Variants in RAB7B observed in about 807,000 individuals in gnomAD.
The protein encoded by RAB7B is RAB7B, member RAS oncogene family.
At chr1:205,993,790 G>T (rs1660765173) in intron 2 of RAB7B, among the ~76,000 whole-genome samples, 1 of 152,188 alleles carries the variant, frequency 6.6e-6, no homozygotes, top group South Asian at 2.1e-4. Flanking sequence ...TCTCACAGTG[G>T]TGGTCAGGTT....
chr1:205,977,569 G>T lies in RAB7B; in HGVS notation c.*1282C>A, dbSNP rs1220827755. On this transcript the variant is annotated 3_prime_UTR_variant, in exon 6 of 6. Transcript: ENST00000617070. ...CTCAGCCTGGAAGAGAAGGAGCACTGCTGCCCTCTGGTGGTCAGGCAGCAG... is the reference window on the plus strand; with the variant it reads ...CTCAGCCTGGAAGAGAAGGAGCACTTCTGCCCTCTGGTGGTCAGGCAGCAG... 6.6e-6 allele frequency: 1 copy of T among 152,202 alleles called. No homozygotes were observed. Among genetic ancestry groups the T allele is most frequent in the Non-Finnish European group, 1.5e-5 (1 of 68,052 alleles). 9.4% of individuals were successfully genotyped at this position (152,202 alleles called of 1,614,324 possible). A position where few individuals can be genotyped will look rare whatever the true frequency, so the allele number is the denominator to read the frequency against.
intron 1 of RAB7B, chr1:205,994,414 G>A (rs1179994551): frequency 7.8e-6 from 2 of 256,486 alleles, no homozygotes; most frequent in African/African-American, 2.2e-5. Context: ...TACCAACCCT[G>A]CTCTTGGAGG....
At chr1:205,983,794 T>A (rs1362022884) in intron 5 of RAB7B, 1 of 150,278 alleles carries the variant, frequency 6.7e-6, no homozygotes, top group Non-Finnish European at 1.5e-5. Flanking sequence ...ATAAAAAAAA[T>A]GCAAGCAGAC....
chr1:205,989,773 C>G (rs1660685004), intron 4 of RAB7B, among the ~76,000 whole-genome samples: 2 of 152,144 alleles, frequency 1.3e-5, no homozygotes, highest in Non-Finnish European at 2.9e-5. Context: ...TGGAAAAGCC[C>G]TAGTCCAAGT....
intron 3 of RAB7B, among the ~76,000 whole-genome samples, chr1:205,993,087 T>C (rs1660752190): frequency 6.6e-6 from 1 of 152,228 alleles, no homozygotes; most frequent in Non-Finnish European, 1.5e-5. Flanking sequence ...TCCTTCCTTC[T>C]AGATCAGGCA....
intron 5 of RAB7B, chr1:205,984,025 A>G (rs1457407090): frequency 6.6e-6 from 1 of 152,230 alleles, no homozygotes; most frequent in Non-Finnish European, 1.5e-5. Flanking sequence ...GTGGAGGATT[A>G]TTGATCAATA....
intron 1 of RAB7B, among the ~76,000 whole-genome samples, chr1:205,996,252 A>G (rs1023191768): frequency 2.9e-4 from 44 of 152,106 alleles, no homozygotes; most frequent in African/African-American, 1.0e-3. Flanking sequence ...CCATATATGC[A>G]CATATGCATA....
At chr1:206,001,912 C>T (rs1346287303) in intron 1 of RAB7B, among the ~76,000 whole-genome samples, 1 of 152,202 alleles carries the variant, frequency 6.6e-6, no homozygotes, top group Non-Finnish European at 1.5e-5. Flanking sequence ...CTGGCTCCAA[C>T]CTGAAACCAG....
In RAB7B at chr1:205,989,117, C is replaced by CCCTCTCCTCCAT. The variant is rs1168126747; in HGVS notation, c.396+3351_396+3362dup. Among the ~76,000 whole-genome samples, 15 of 151,904 alleles carry CCCTCTCCTCCAT rather than the reference C, an allele frequency of 9.9e-5. No individual in the cohort carries two copies. The South Asian group carries it at 1.2e-3, about 13-fold the overall frequency. On this transcript the variant is annotated intron_variant, in intron 4 of 5. Transcript: ENST00000617070. ...GCCTACCTTGTTGAGAGACAGGCTC[C>CCCTCTCCTCCAT]CCTCTCCTCCATCCTCTCCTCCATC...
intron 1 of RAB7B, chr1:205,994,434 G>A: frequency 4.4e-6 from 1 of 224,778 alleles, no homozygotes; most frequent in Non-Finnish European, 8.7e-6. Context: ...GCAGCCTGGA[G>A]TGCCAAGAAG....
rs929420139 is a variant in RAB7B at position 205,992,705 on chromosome 1, A to G, written c.181-10T>C. ...CGCCCGTGTCCCAGATCTGGAGGGG[A>G]AAGCAGTTGCCCCATGGGGCTGTGA... On this transcript the variant is annotated splice_polypyrimidine_tract_variant and intron_variant, in intron 3 of 5. Coordinates refer to ENST00000617070, the MANE Select transcript of RAB7B (RefSeq NM_001164522.3). The G allele has an allele frequency of 1.8e-5, 7 of 398,672 alleles. No individual in the cohort carries two copies. Among genetic ancestry groups the G allele is most frequent in the Non-Finnish European group, 2.7e-5 (6 of 226,232 alleles). 24.7% of individuals were successfully genotyped at this position (398,672 alleles called of 1,614,324 possible). A position where few individuals can be genotyped will look rare whatever the true frequency, so the allele number is the denominator to read the frequency against.
chr1:205,984,415 C>T (rs1301585010), intron 5 of RAB7B, among the ~76,000 whole-genome samples: 3 of 152,210 alleles, frequency 2.0e-5, no homozygotes, highest in Non-Finnish European at 4.4e-5. Context: ...GCGGCGGATG[C>T]TTCCACATAA....
At chr1:206,002,565 C>A (rs924815957) in intron 1 of RAB7B, among the ~76,000 whole-genome samples, 8 of 152,188 alleles carry the variant, frequency 5.3e-5, no homozygotes, top group South Asian at 2.1e-4. Flanking sequence ...CTCCGTGGGA[C>A]CTTTGTGGTG....
rs2102640885 is a variant in RAB7B at position 205,993,423 on chromosome 1, T to C, written c.177A>G (p.Leu59=). ...AGGGAAAAGGAGGGCTGCTCACCTG[T>C]AACTTCAAAGTTGTGTCACCCAATA... ...IIILGDTTLK[L]QIWDTGGQER... The change falls in exon 3 of 6, where the codon TTA becomes TTG. Residue 59 remains leucine, a synonymous_variant. Transcript: ENST00000617070. The C allele has an allele frequency of 7.5e-6, 3 of 398,628 alleles. No individual in the cohort carries two copies. The East Asian group carries it at 1.1e-4, about 14-fold the overall frequency. The allele number at this position is 398,628 out of a possible 1,614,324, so 24.7% of individuals were successfully genotyped here.
chr1:205,999,365 C>A lies in RAB7B; in HGVS notation c.-17+3888G>T, dbSNP rs1002481409. Among the ~76,000 whole-genome samples, 207 of 152,264 alleles carry A rather than the reference C, an allele frequency of 1.4e-3. 1 individual carries two copies. The highest frequency in any genetic ancestry group is 4.9e-3 in the African/African-American group (205 of 41,548). On this transcript the variant is annotated intron_variant, in intron 1 of 5. Transcript: ENST00000617070. ...TGAAATCTTATAAAGAATTAGTAAG[C>A]TTTGAAAAGATACTCAACCTTACTA... is the stretch of plus-strand genomic sequence containing the variant.
chr1:205,993,713 G>A (rs1660764144), intron 2 of RAB7B, among the ~76,000 whole-genome samples, 167 bp from the exon 3 acceptor site: 1 of 152,218 alleles, frequency 6.6e-6, no homozygotes, highest in African/African-American at 2.4e-5. Context: ...TAGCAAGGGA[G>A]TAGGAAATGG....
At chr1:205,989,701 C>T (rs981914924) in intron 4 of RAB7B, among the ~76,000 whole-genome samples, 6 of 152,142 alleles carry the variant, frequency 3.9e-5, no homozygotes, top group Non-Finnish European at 7.4e-5. Flanking sequence ...TCCCCTGGTC[C>T]CTCTTCTTTC....
chr1:205,990,165 C>T (rs1238023836), intron 4 of RAB7B, among the ~76,000 whole-genome samples: 1 of 152,206 alleles, frequency 6.6e-6, no homozygotes, highest in African/African-American at 2.4e-5. Flanking sequence ...CCCAAAGGCT[C>T]ATGATCAAGA....
At chr1:205,989,975 A>G (rs1660690502) in intron 4 of RAB7B, among the ~76,000 whole-genome samples, 1 of 151,864 alleles carries the variant, frequency 6.6e-6, no homozygotes, top group Admixed American at 6.6e-5. Context: ...CTCCCTCTCA[A>G]CAGAAGATGG....
Sources: allele counts gnomAD v4.1 joint callset (sites outside exome capture counted in the v4.1 genomes callset), GRCh38; gene constraint gnomAD v4.1.1; transcripts MANE v1.5; gene names NCBI Gene and HGNC (gene_info 2026-07-23, HGNC 2026-07-21).